The following KLF8 variants were observed in gnomAD, a reference collection of about 807,000 sequenced individuals.
The protein encoded by KLF8 is KLF transcription factor 8, also known as Krueppel-like factor 8.
KLF8 carries 10 observed loss-of-function variants against 18.2 expected under a neutral mutation model. The observed-to-expected ratio is 0.55, with a 90% CI of 0.34 to 0.93. The LOEUF (loss-of-function observed/expected upper bound fraction) is 0.93, where lower values mean the gene tolerates loss of function less well. Among genes scored for constraint, KLF8 ranks in the 40% least tolerant of loss-of-function variants. The pLI, the probability that KLF8 is intolerant of heterozygous loss-of-function variation, is 0.02. For synonymous variants in KLF8, 109 were observed against 97.3 expected (o/e 1.12, Z -0.71); for missense variants, 264 against 277.9 (o/e 0.95, Z 0.36).
At chrX:56,133,100 G>A in the KLF8 span, among the ~76,000 whole-genome samples, 4 of 111,633 alleles carry the variant, frequency 3.6e-5, no homozygotes, top group African/African-American at 1.3e-4. Flanking sequence ...GGAAGAATTG[G>A]TACTGATCCT....
the KLF8 span, among the ~76,000 whole-genome samples, chrX:56,215,692 C>T: frequency 9.4e-6 from 1 of 106,268 alleles, no homozygotes; most frequent in Non-Finnish European, 1.9e-5. Context: ...GTGTGATGGC[C>T]AGCAGCTTTA....
chrX:56,156,760 C>G, the KLF8 span, among the ~76,000 whole-genome samples: 1 of 97,584 alleles, frequency 1.0e-5, no homozygotes, highest in Non-Finnish European at 2.0e-5. Context: ...TGTTCCCCTT[C>G]CTGTGCCCAT....
the KLF8 span, among the ~76,000 whole-genome samples, chrX:55,963,905 C>T: frequency 2.7e-5 from 3 of 111,099 alleles, no homozygotes; most frequent in African/African-American, 9.8e-5. Context: ...TTAAAAAAGC[C>T]AAAATTATTC....
chrX:56,166,528 A>G, the KLF8 span, among the ~76,000 whole-genome samples: 7 of 112,383 alleles, frequency 6.2e-5, no homozygotes, highest in African/African-American at 1.6e-4. Flanking sequence ...TTGTAGATAC[A>G]TTAAGAACCA....
At chrX:55,995,345 A>G in the KLF8 span, among the ~76,000 whole-genome samples, 6 of 111,815 alleles carry the variant, frequency 5.4e-5, no homozygotes, top group Non-Finnish European at 7.5e-5. Context: ...CCAGTCTGCT[A>G]CTCTCTGCCT....
the KLF8 span, among the ~76,000 whole-genome samples, chrX:56,014,110 G>A: frequency 1.8e-5 from 2 of 111,710 alleles, no homozygotes; most frequent in Admixed American, 1.9e-4. Context: ...AAAAGCAATT[G>A]CAAAAAAAGC....
At chrX:56,029,026 T>C in the KLF8 span, among the ~76,000 whole-genome samples, 1 of 110,886 alleles carries the variant, frequency 9.0e-6, no homozygotes, top group African/African-American at 3.3e-5. Context: ...GTGTCTAAAA[T>C]GTGCCTGTAT....
the KLF8 span, among the ~76,000 whole-genome samples, chrX:56,145,513 A>G: frequency 8.9e-6 from 1 of 112,745 alleles, no homozygotes; most frequent in Non-Finnish European, 1.9e-5. Context: ...ACAAATGTAC[A>G]TAGCACTATT....
chrX:56,022,171 C>CA, the KLF8 span, among the ~76,000 whole-genome samples: 1 of 110,199 alleles, frequency 9.1e-6, no homozygotes, highest in African/African-American at 3.3e-5. Flanking sequence ...GAACACTGGC[C>CA]AAAAAAATGT....
At chrX:56,236,489 T>C (rs1403221908) in intron 1 of KLF8, among the ~76,000 whole-genome samples, 1 of 111,079 alleles carries the variant, frequency 9.0e-6, no homozygotes, top group East Asian at 2.8e-4. Flanking sequence ...TAGATGCCAA[T>C]GGCTGTTGTA....
the KLF8 span, among the ~76,000 whole-genome samples, chrX:56,058,259 C>T: frequency 5.6e-5 from 1 of 17,709 alleles, no homozygotes; most frequent in Non-Finnish European, 8.5e-5. Flanking sequence ...TATATATACA[C>T]ATATATATAC....
the KLF8 span, among the ~76,000 whole-genome samples, chrX:56,053,336 C>T: frequency 9.0e-6 from 1 of 111,232 alleles, no homozygotes; most frequent in Non-Finnish European, 1.9e-5. Context: ...GTATGTTGAA[C>T]CAATTTTTAA....
chrX:55,941,760 G>GA, the KLF8 span, among the ~76,000 whole-genome samples: 182 of 112,279 alleles, frequency 1.6e-3, no homozygotes, highest in South Asian at 7.7e-3. Context: ...AAAGACACAT[G>GA]AAAAAATGCT....
At chrX:55,983,742 A>C in the KLF8 span, among the ~76,000 whole-genome samples, 6 of 111,128 alleles carry the variant, frequency 5.4e-5, no homozygotes, top group Non-Finnish European at 1.1e-4. Flanking sequence ...TGTACACTGT[A>C]TGCAACAGGT....
the KLF8 span, among the ~76,000 whole-genome samples, chrX:55,944,012 G>A: frequency 1.8e-5 from 2 of 112,101 alleles, no homozygotes; most frequent in Non-Finnish European, 3.8e-5. Flanking sequence ...TCCTTCCATA[G>A]GAATAGACTC....
intron 3 of KLF8, chrX:56,267,100 A>G (rs1011185147): frequency 4.5e-5 from 34 of 752,043 alleles, no homozygotes; most frequent in Non-Finnish European, 4.9e-5. Context: ...ACATCAAAGG[A>G]TGGTTTGAAG....
In KLF8 at chrX:56,284,675, C is replaced by T. The variant is rs2147705926; in HGVS notation, c.*181C>T. On this transcript the variant is annotated 3_prime_UTR_variant, in exon 6 of 6. Coordinates refer to ENST00000468660, the MANE Select transcript of KLF8 (RefSeq NM_007250.5). ...TCCCGTGGGGCTCTTCATATTCTAC[C>T]TTCACTTCTCCACTGTCCAGACCCG... 2.9e-6 allele frequency: 1 copy of T among 342,141 alleles called. No homozygotes were observed. The highest frequency in any genetic ancestry group is 4.6e-5 in the East Asian group (1 of 21,840). The allele number at this position is 342,141 out of a possible 1,213,427, so 28.2% of individuals were successfully genotyped here.
the KLF8 span, among the ~76,000 whole-genome samples, chrX:56,117,839 G>A: frequency 8.9e-6 from 1 of 111,769 alleles, no homozygotes; most frequent in Non-Finnish European, 1.9e-5. Context: ...CCATTGAGCT[G>A]CTAGGACAAA....
At chrX:56,270,387 A>ACACAC in intron 5 of KLF8, 66 bp downstream of exon 5, 1 of 746,930 alleles carries the variant, frequency 1.3e-6, no homozygotes, top group Non-Finnish European at 1.8e-6. Flanking sequence ...CACACGAGAG[A>ACACAC]GAGAGAGAGA....
Sources: gnomAD v4.1 joint callset for allele counts (sites outside exome capture counted in the v4.1 genomes callset) on GRCh38, gnomAD v4.1.1 for gene constraint, MANE v1.5 for transcripts, NCBI Gene and HGNC (gene_info 2026-07-23, HGNC 2026-07-21) for gene names.